The following MAD1L1 variants were observed in gnomAD, a reference collection of about 807,000 sequenced individuals.
MAD1L1 encodes mitotic arrest deficient 1 like 1.
MAD1L1 carries 95 observed loss-of-function variants against 96.9 expected under a neutral mutation model. The ratio of observed to expected loss-of-function variants is 0.98; its 90% CI spans 0.83 to 1.16. The LOEUF is 1.16. Among genes scored for constraint, MAD1L1 ranks in the 50% most tolerant of loss-of-function variants. MAD1L1 has a pLI of 0.00. For missense variants in MAD1L1, 1,007 were observed against 954.4 expected, an observed-to-expected ratio of 1.06 and a Z score of -0.73; for synonymous variants, 473 against 396.6, an observed-to-expected ratio of 1.19 and a Z score of -2.29.
chr7:2,071,753 C>T (rs1315964098), intron 11 of MAD1L1, among the ~76,000 whole-genome samples: 1 of 152,070 alleles, frequency 6.6e-6, no homozygotes, highest in Non-Finnish European at 1.5e-5. Context: ...GGAGCGCTTT[C>T]ACTGTTCCTG....
chr7:2,000,126 G>A (rs961867022), intron 14 of MAD1L1, among the ~76,000 whole-genome samples: 19 of 151,966 alleles, frequency 1.3e-4, no homozygotes, highest in South Asian at 4.2e-4. Flanking sequence ...TGTGGCAGGC[G>A]TGAGACTCCC....
rs531362483 is a variant in MAD1L1 at position 2,142,394 on chromosome 7, C to T, written c.1073+6758G>A. Reference sequence around the variant, plus strand: ...GCCTCTATGGCGCAGGTGCACTGTGCGTCCCAGGCATGGTCCGGGGCTGCG... The same window carrying T: ...GCCTCTATGGCGCAGGTGCACTGTGTGTCCCAGGCATGGTCCGGGGCTGCG... On this transcript the variant is annotated intron_variant, in intron 11 of 18. Transcript: ENST00000265854. The surrounding 1 kb of genome is among the most constrained non-coding windows in gnomAD (Gnocchi z 4.7). 4.3e-4 allele frequency among the ~76,000 whole-genome samples: 65 copies of T among 152,334 alleles called. No individual in the cohort carries two copies. The highest frequency in any genetic ancestry group is 5.6e-4 in the Non-Finnish European group (38 of 68,022).
chr7:2,026,248 G>C (rs1239869705), intron 12 of MAD1L1, among the ~76,000 whole-genome samples: 1 of 151,998 alleles, frequency 6.6e-6, no homozygotes, highest in East Asian at 1.9e-4. Flanking sequence ...AATAACAAAA[G>C]GCAAAATTCA....
Position 2,212,478 on chromosome 7 carries a change from G to A in MAD1L1, c.986+734C>T, listed in dbSNP as rs77911517. On this transcript the variant is annotated intron_variant, in intron 10 of 18. Coordinates refer to ENST00000265854, the MANE Select transcript of MAD1L1 (RefSeq NM_001013836.2). ...GTGGGAAGTGTTTGGATCCTCGAGTGGATCCCTCACAGCTTGGGTCTGTCT... is the reference window on the plus strand; with the variant it reads ...GTGGGAAGTGTTTGGATCCTCGAGTAGATCCCTCACAGCTTGGGTCTGTCT... Among the ~76,000 whole-genome samples, 1,338 of 152,298 alleles carry A rather than the reference G, an allele frequency of 8.8e-3. 20 individuals are homozygous for A. The highest frequency in any genetic ancestry group is 0.03 in the African/African-American group (1,251 of 41,566).
chr7:2,098,517 T>A (rs1221997110), intron 11 of MAD1L1, among the ~76,000 whole-genome samples: 1 of 152,128 alleles, frequency 6.6e-6, no homozygotes, highest in Non-Finnish European at 1.5e-5. Flanking sequence ...GCAGCAGCAG[T>A]CACCCAAGCC....
rs757077560 is a variant in MAD1L1 at position 1,816,058 on chromosome 7, C to A, written c.*12G>T. On this transcript the variant is annotated 3_prime_UTR_variant, in exon 19 of 19. Transcript: ENST00000265854. ...AGCAGAGTGGCTCCGGCTATGCCCC[C>A]GAGCCTGCAGGCTACGCCACGGTCT... 3.7e-6 allele frequency: 6 copies of A among 1,601,808 alleles called. No homozygotes were observed. The highest frequency in any genetic ancestry group is 2.2e-5 in the East Asian group (1 of 44,648).
At chr7:2,152,363 G>A (rs1469862845) in intron 10 of MAD1L1, among the ~76,000 whole-genome samples, 3 of 151,828 alleles carry the variant, frequency 2.0e-5, no homozygotes, top group Non-Finnish European at 2.9e-5. Flanking sequence ...GGCAGAAGCC[G>A]CTGGAGGGCA....
intron 18 of MAD1L1, among the ~76,000 whole-genome samples, chr7:1,873,556 T>C (rs1480326367): frequency 8.1e-6 from 1 of 123,366 alleles, no homozygotes; most frequent in East Asian, 2.2e-4. Flanking sequence ...TCTCTACGGA[T>C]GGGGGCCAAG....
At chr7:2,069,453 G>T in intron 11 of MAD1L1, 115 bp from the exon 12 acceptor site, 1 of 1,015,788 alleles carries the variant, frequency 9.8e-7, no homozygotes, top group Non-Finnish European at 1.4e-6. Flanking sequence ...AGCTGCACGT[G>T]CAACCCCCTC....
intron 16 of MAD1L1, among the ~76,000 whole-genome samples, chr7:1,946,838 G>A (rs377320360): frequency 4.2e-4 from 64 of 152,380 alleles, no homozygotes; most frequent in African/African-American, 1.3e-3. Context: ...GAGAGGGTGC[G>A]GGTGCTCCCG....
At chr7:2,205,084 C>CTT (rs56101356) in intron 10 of MAD1L1, among the ~76,000 whole-genome samples, 1,092 of 103,690 alleles carry the variant, frequency 0.011, 13 homozygotes, top group Non-Finnish European at 0.016. Context: ...AGGATCTTTT[C>CTT]TTTTTTTTTT....
chr7:1,970,331 CTTTTT>C (rs34240381), intron 15 of MAD1L1, among the ~76,000 whole-genome samples: 3 of 116,516 alleles, frequency 2.6e-5, no homozygotes, highest in African/African-American at 6.7e-5. Flanking sequence ...TTAATTTTTA[CTTTTT>C]TTTTTTTTTT....
intron 18 of MAD1L1, among the ~76,000 whole-genome samples, chr7:1,827,630 G>GGGTGTGGGGGCCTCCCTTCCTGAGCCCGT: frequency 1.5e-5 from 1 of 67,318 alleles, no homozygotes; most frequent in African/African-American, 6.8e-5. Flanking sequence ...CCTGAGCCCC[G>GGGTGTGGGGGCCTCCCTTCCTGAGCCCGT]CCCGGGTGTG....
At chr7:1,873,879 C>T (rs1001815702) in intron 18 of MAD1L1, among the ~76,000 whole-genome samples, 8 of 152,156 alleles carry the variant, frequency 5.3e-5, no homozygotes, top group African/African-American at 1.2e-4. Context: ...CGTGGCTGAA[C>T]GAGAATGGAT....
At chr7:1,996,162 C>CA (rs1781545484) in intron 14 of MAD1L1, among the ~76,000 whole-genome samples, 2 of 150,416 alleles carry the variant, frequency 1.3e-5, no homozygotes, top group African/African-American at 2.4e-5. Context: ...CAGGGTCCCC[C>CA]GGGTCTACAC....
intron 12 of MAD1L1, among the ~76,000 whole-genome samples, chr7:2,067,846 A>T (rs60104508): frequency 0.082 from 12,466 of 151,956 alleles, 1,649 homozygotes; most frequent in African/African-American, 0.28. Flanking sequence ...CACGGCGTCC[A>T]CCTCTGTTGA....
intron 12 of MAD1L1, among the ~76,000 whole-genome samples, chr7:2,040,091 G>A (rs1400350540): frequency 6.6e-6 from 1 of 152,200 alleles, no homozygotes; most frequent in African/African-American, 2.4e-5. Context: ...GACACTAGCT[G>A]ACCTTCCAGA....
intron 14 of MAD1L1, among the ~76,000 whole-genome samples, chr7:1,994,271 C>T (rs983531059): frequency 6.6e-6 from 1 of 152,222 alleles, no homozygotes; most frequent in Non-Finnish European, 1.5e-5. Flanking sequence ...GGTGAAGGTG[C>T]AGGCCCCGTG....
At chr7:2,051,380 C>A (rs919769337) in intron 12 of MAD1L1, among the ~76,000 whole-genome samples, 1 of 152,198 alleles carries the variant, frequency 6.6e-6, no homozygotes, top group African/African-American at 2.4e-5. Flanking sequence ...TCGTCCATAA[C>A]CCACGTGGTG....
Sources: gnomAD v4.1 joint callset for allele counts (sites outside exome capture counted in the v4.1 genomes callset) on GRCh38, gnomAD v4.1.1 for gene constraint, Gnocchi (gnomAD v3.1) non-coding constraint, MANE v1.5 for transcripts, NCBI Gene and HGNC (gene_info 2026-07-23, HGNC 2026-07-21) for gene names.